The following MYOZ1 variants were observed in gnomAD, a reference collection of about 807,000 sequenced individuals.
MYOZ1 encodes myozenin-1.
Under a neutral mutation model 28.7 loss-of-function variants are expected in MYOZ1, and 20 were observed. That is an observed-to-expected ratio of 0.70 (90% CI 0.49 to 1.01). The LOEUF is 1.01. MYOZ1 is among the 50% of genes least tolerant of loss of function. MYOZ1 has a pLI of 0.00. For missense variants in MYOZ1, 371 were observed against 372.4 expected, an observed-to-expected ratio of 1.00 and a Z score of 0.03; for synonymous variants, 144 against 145.8, an observed-to-expected ratio of 0.99 and a Z score of 0.09.
intron 2 of MYOZ1, among the ~76,000 whole-genome samples, chr10:73,638,292 C>CAT (rs56801610): frequency 0.034 from 4,871 of 142,990 alleles, 82 homozygotes; most frequent in South Asian, 0.063. Context: ...ATACAGATGC[C>CAT]ATATATATAT....
chr10:73,638,999 G>T (rs1421639642), intron 2 of MYOZ1, among the ~76,000 whole-genome samples: 5 of 143,432 alleles, frequency 3.5e-5, no homozygotes, highest in African/African-American at 1.3e-4. Context: ...TGGAAATGAG[G>T]TCTCATTATG....
chr10:73,640,552 T>C (rs770924912), intron 1 of MYOZ1, among the ~76,000 whole-genome samples: 3 of 152,220 alleles, frequency 2.0e-5, no homozygotes, highest in Non-Finnish European at 4.4e-5. Context: ...CCAGCCCCTG[T>C]TGTCTACCAA....
intron 2 of MYOZ1, 92 bp from the exon 3 acceptor site, chr10:73,638,014 T>G: frequency 1.7e-6 from 2 of 1,178,486 alleles, no homozygotes; most frequent in Non-Finnish European, 2.4e-6. Flanking sequence ...ACTAAGTGTG[T>G]ATGTGTGTCC....
intron 2 of MYOZ1, among the ~76,000 whole-genome samples, chr10:73,638,730 G>A (rs969559934): frequency 2.0e-5 from 3 of 151,190 alleles, no homozygotes; most frequent in East Asian, 1.9e-4. Flanking sequence ...GCAATGGCGC[G>A]ATTGCAGCTC....
chr10:73,638,668 T>TTATTTATTTATGTATG (rs1554958195), intron 2 of MYOZ1, among the ~76,000 whole-genome samples: 19 of 147,510 alleles, frequency 1.3e-4, no homozygotes, highest in African/African-American at 4.0e-4. Flanking sequence ...ATTTATTTAT[T>TTATTTATTTATGTATG]TATTTATTTA....
intron 3 of MYOZ1, among the ~76,000 whole-genome samples, chr10:73,636,317 A>C (rs142532088): frequency 8.5e-5 from 13 of 152,304 alleles, no homozygotes; most frequent in African/African-American, 1.9e-4. Context: ...TTCTTAGGGA[A>C]TAGACTGACC....
intron 2 of MYOZ1, 123 bp downstream of exon 2, chr10:73,639,822 T>C (rs1047916382): frequency 8.8e-6 from 8 of 911,358 alleles, no homozygotes; most frequent in Non-Finnish European, 1.4e-5. Context: ...CCACTCCCCA[T>C]CACCCGCCTT....
chr10:73,641,254 C>T (rs1160791669), intron 1 of MYOZ1, among the ~76,000 whole-genome samples, 157 bp downstream of exon 1: 1 of 152,144 alleles, frequency 6.6e-6, no homozygotes, highest in Non-Finnish European at 1.5e-5. Flanking sequence ...CTCCTTCCAA[C>T]TCTCCTTCCC....
At chr10:73,639,218 G>C (rs1280495541) in intron 2 of MYOZ1, among the ~76,000 whole-genome samples, 1 of 151,830 alleles carries the variant, frequency 6.6e-6, no homozygotes, top group Non-Finnish European at 1.5e-5. Flanking sequence ...CACCTCCCGG[G>C]TTCAAGCGAT....
intron 2 of MYOZ1, among the ~76,000 whole-genome samples, chr10:73,639,138 A>G (rs1483032133): frequency 6.6e-6 from 1 of 151,514 alleles, no homozygotes; most frequent in Non-Finnish European, 1.5e-5. Flanking sequence ...GACAAAATAA[A>G]TATATCTTAG....
chr10:73,636,761 A>G (rs2132407173), intron 3 of MYOZ1, among the ~76,000 whole-genome samples: 1 of 152,216 alleles, frequency 6.6e-6, no homozygotes, highest in African/African-American at 2.4e-5. Flanking sequence ...TGACCCAAAT[A>G]CTTTTTTAGT....
intron 3 of MYOZ1, 127 bp downstream of exon 3, chr10:73,637,617 G>T: frequency 1.1e-6 from 1 of 941,668 alleles, no homozygotes; most frequent in Non-Finnish European, 1.6e-6. Flanking sequence ...CAATATATCT[G>T]GGGGTTTAAC....
At position 73,637,753 on chromosome 10, in the gene MYOZ1, G is replaced by A; in HGVS notation, c.243C>T (p.Asp81=). 6.2e-7 allele frequency: 1 copy of A among 1,612,998 alleles called. No individual in the cohort carries two copies. Among genetic ancestry groups the A allele is most frequent in the Non-Finnish European group, 8.5e-7 (1 of 1,179,522 alleles). ...IYENHPDVFS[D]SSMDHFQKFL... The stretch of plus-strand genomic sequence containing the variant: ...AAAGTTCCAGACTCACCATTGAGCT[G>A]TCAGAGAAAACATCAGGGTGGTTCT... The change falls in exon 3 of 6, where the codon GAC becomes GAT. Residue 81 remains aspartate (D), a synonymous_variant. Coordinates refer to ENST00000359322, the MANE Select transcript of MYOZ1 (RefSeq NM_021245.4).
chr10:73,638,642 A>T (rs567626788), intron 2 of MYOZ1, among the ~76,000 whole-genome samples: 4 of 118,166 alleles, frequency 3.4e-5, no homozygotes, highest in Admixed American at 8.1e-5. Flanking sequence ...CCTACATTTT[A>T]TTTATTTATT....
Position 73,634,713 on chromosome 10 carries a change from A to G in MYOZ1, c.273T>C (p.Leu91=). ...DSSMDHFQKF[L]PTVGGQLGTA... ...TGCCCAGCTGTCCCCCCACTGTTGG[A>G]AGGAACTTCTGGAAGTGATCCTGAA... Residue 91 remains leucine, a synonymous_variant, in exon 4 of 6, where the codon CTT becomes CTC. Coordinates refer to ENST00000359322, the MANE Select transcript of MYOZ1 (RefSeq NM_021245.4). 6.2e-7 allele frequency: 1 copy of G among 1,613,676 alleles called. No homozygotes were observed. The highest frequency in any genetic ancestry group is 1.1e-5 in the South Asian group (1 of 91,064).
Position 73,633,911 on chromosome 10 carries a change from CTT to C in MYOZ1, c.655_656del (p.Lys219ValfsTer13), listed in dbSNP as rs2081650992. Reference sequence around the variant, plus strand: ...CTCACCACCCCTACCTGTTGAAGGACTTATATTTGGGAAGTTCAGCTTTGGCC... The same window carrying C: ...CTCACCACCCCTACCTGTTGAAGGACATATTTGGGAAGTTCAGCTTTGGCC... ...YGAKAELPKY[K>X]SFNRTAMPYG... is the part of the protein sequence containing the mutation. On this transcript the variant is annotated frameshift_variant, in exon 5 of 6. Transcript: ENST00000359322. LOFTEE classifies it high-confidence loss of function. 1 of 1,610,030 alleles carries C rather than the reference CTT, an allele frequency of 6.2e-7. No homozygotes were observed. Among genetic ancestry groups the C allele is most frequent in the East Asian group, 2.2e-5 (1 of 44,766 alleles).
rs1026806048 is a variant in MYOZ1, at chr10:73,631,807, C to G, written c.*123G>C. 1.2e-6 allele frequency: 1 copy of G among 834,630 alleles called. No individual in the cohort carries two copies. Among genetic ancestry groups the G allele is most frequent in the East Asian group, 2.7e-5 (1 of 37,504 alleles). 51.7% of individuals were successfully genotyped at this position (834,630 alleles called of 1,614,324 possible). On this transcript the variant is annotated 3_prime_UTR_variant, in exon 6 of 6. Transcript: ENST00000359322. ...TGGAGTAAAGGATGGAAAGGTAGATCTCTCCTTTTTCCCTCCATTCCCATA... is the reference window on the plus strand; with the variant it reads ...TGGAGTAAAGGATGGAAAGGTAGATGTCTCCTTTTTCCCTCCATTCCCATA...
intron 5 of MYOZ1, among the ~76,000 whole-genome samples, chr10:73,632,808 A>G (rs1158766138): frequency 6.6e-6 from 1 of 151,338 alleles, no homozygotes; most frequent in Non-Finnish European, 1.5e-5. Context: ...AAATTGCAAT[A>G]TAGAGACCCC....
chr10:73,632,673 A>G (rs1273374981), intron 5 of MYOZ1, among the ~76,000 whole-genome samples: 1 of 149,760 alleles, frequency 6.7e-6, no homozygotes, highest in African/African-American at 2.5e-5. Context: ...CATCCCAGCT[A>G]CTCAGGTGGC....
Sources: allele counts gnomAD v4.1 joint callset (sites outside exome capture counted in the v4.1 genomes callset), GRCh38; gene constraint gnomAD v4.1.1; transcripts MANE v1.5; gene names NCBI Gene and HGNC (gene_info 2026-07-23, HGNC 2026-07-21).